HEXB: variants seen among roughly 807,000 people sequenced by gnomAD.
HEXB encodes beta-hexosaminidase subunit beta.
A neutral mutation model predicts 71.2 loss-of-function variants in HEXB; 51 were observed. That is an observed-to-expected ratio of 0.72 (90% CI 0.57 to 0.90). The LOEUF (loss-of-function observed/expected upper bound fraction) is 0.90, where lower values mean the gene tolerates loss of function less well. Among genes scored for constraint, HEXB ranks in the 40% least tolerant of loss-of-function variants. The probability of loss-of-function intolerance (pLI) is 0.00; values close to 1 mark genes in which losing one functional copy is unlikely to be tolerated. For synonymous variants in HEXB, 266 were observed against 249.3 expected, an observed-to-expected ratio of 1.07 and a Z score of -0.63; for missense variants, 617 against 677.0, an observed-to-expected ratio of 0.91 and a Z score of 0.98.
In HEXB at chr5:74,720,678, G is replaced by A; in HGVS notation, c.1544G>A (p.Ser515Asn). 1 of 1,614,182 alleles carries A rather than the reference G, an allele frequency of 6.2e-7. No homozygotes were observed. The highest frequency in any genetic ancestry group is 8.5e-7 in the Non-Finnish European group (1 of 1,180,014). Residue 515 changes from serine to asparagine, a missense_variant, in exon 13 of 14, where the codon AGT (serine) becomes AAT (asparagine). Physicochemically the swap from Ser to Asn is conservative, Grantham distance 46. Transcript: ENST00000261416. ...AGTGCTGTTGGTGAGAGACTCTGGAGTTCCAAAGATGTCAGAGATATGGAT... is the reference window on the plus strand; with the variant it reads ...AGTGCTGTTGGTGAGAGACTCTGGAATTCCAAAGATGTCAGAGATATGGAT... ...RASAVGERLW[S>N]SKDVRDMDDA...
chr5:74,702,311 C>T (rs952163943), intron 5 of HEXB, among the ~76,000 whole-genome samples: 56 of 151,828 alleles, frequency 3.7e-4, no homozygotes, highest in African/African-American at 1.2e-3. Context: ...ATCTCCTGAC[C>T]TCGTGATCCG....
chr5:74,699,101 T>A (rs548308377), intron 5 of HEXB, among the ~76,000 whole-genome samples: 1 of 152,014 alleles, frequency 6.6e-6, no homozygotes, highest in African/African-American at 2.4e-5. Context: ...ACAAAATCGC[T>A]TGAACCTGGG....
chr5:74,685,901 A>T (rs1748859877), intron 1 of HEXB, among the ~76,000 whole-genome samples: 1 of 152,092 alleles, frequency 6.6e-6, no homozygotes, highest in African/African-American at 2.4e-5. Flanking sequence ...AAGGACGTGC[A>T]AAGGGATAAG....
upstream of HEXB, among the ~76,000 whole-genome samples, chr5:74,682,250 C>A (rs1202364780): frequency 2.6e-5 from 4 of 152,278 alleles, no homozygotes; most frequent in South Asian, 6.2e-4. Context: ...CCCAGCTACG[C>A]CGGAGGCTGA....
chr5:74,716,120 C>T (rs535434791), intron 8 of HEXB, among the ~76,000 whole-genome samples: 77 of 151,296 alleles, frequency 5.1e-4, no homozygotes, highest in Non-Finnish European at 9.3e-4. Context: ...AACATGCCTG[C>T]TTGTAAGGGT....
chr5:74,711,985 T>C (rs1749553856), intron 6 of HEXB, among the ~76,000 whole-genome samples: 1 of 148,208 alleles, frequency 6.7e-6, no homozygotes, highest in African/African-American at 2.5e-5. Flanking sequence ...TGCACACGTA[T>C]GTTTATTGTG....
Position 74,705,300 on chromosome 5 carries a change from T to C in HEXB, c.751T>C (p.Phe251Leu), listed in dbSNP as rs1269920069. 6 of 1,595,950 alleles carry C rather than the reference T, an allele frequency of 3.8e-6. No individual in the cohort carries two copies. In the East Asian group the frequency reaches 1.1e-4, roughly 30 times the overall value. Residue 251 changes from phenylalanine (F) to leucine (L), a missense_variant, in exon 6 of 14, where the codon TTT becomes CTT. By Grantham distance (22) the Phe-to-Leu change is conservative. Coordinates refer to ENST00000261416, the MANE Select transcript of HEXB (RefSeq NM_000521.4). The stretch of plus-strand genomic sequence containing the variant: ...GTCTTTCCCATATCAGAGCATCACT[T>C]TTCCTGAGTTAAGCAATAAAGTGAG... ...DQSFPYQSIT[F>L]PELSNKGSYS...
In HEXB at chr5:74,721,187, GA is replaced by G; in HGVS notation, c.*17del. The G allele has an allele frequency of 1.1e-5, 18 of 1,604,302 alleles. No homozygotes were observed. The highest frequency in any genetic ancestry group is 1.5e-5 in the Non-Finnish European group (18 of 1,171,256). ...ATGAGAACATGTAAAAAATGGAGGG[GA>G]AAAAGGCCACAGCAATCTGTACTAC... On this transcript the variant is annotated 3_prime_UTR_variant, in exon 14 of 14. Transcript: ENST00000261416.
At chr5:74,643,978 T>C (rs1747954937) in intron 1 of HEXB, among the ~76,000 whole-genome samples, 1 of 152,228 alleles carries the variant, frequency 6.6e-6, no homozygotes, top group Admixed American at 6.5e-5. Context: ...CTAGATGGAC[T>C]TCAAGGCTGT....
intron 1 of HEXB, among the ~76,000 whole-genome samples, chr5:74,654,619 T>C (rs1201216287): frequency 6.6e-6 from 1 of 152,166 alleles, no homozygotes; most frequent in African/African-American, 2.4e-5. Flanking sequence ...AGGTGATTTC[T>C]GAGCTGGGTA....
At chr5:74,699,171 A>G (rs1286656263) in intron 5 of HEXB, among the ~76,000 whole-genome samples, 1 of 152,114 alleles carries the variant, frequency 6.6e-6, no homozygotes, top group African/African-American at 2.4e-5. Context: ...GCAACAGAGC[A>G]AGACTCCATC....
At chr5:74,680,715 A>G (rs879290189), upstream of HEXB, among the ~76,000 whole-genome samples, 1 of 152,240 alleles carries the variant, frequency 6.6e-6, no homozygotes, top group Non-Finnish European at 1.5e-5. Flanking sequence ...TACACATGTT[A>G]GGATTCCATT....
intron 1 of HEXB, among the ~76,000 whole-genome samples, chr5:74,666,668 C>T (rs1261624428): frequency 6.6e-6 from 1 of 152,176 alleles, no homozygotes; most frequent in Non-Finnish European, 1.5e-5. Context: ...GCCTTGGCAG[C>T]CACAGTCATT....
chr5:74,644,764 CT>C (rs3058406), intron 1 of HEXB, among the ~76,000 whole-genome samples: 24 of 72,944 alleles, frequency 3.3e-4, no homozygotes, highest in African/African-American at 1.0e-3. Flanking sequence ...CTTTTTTTTC[CT>C]TTTTTTTTTT....
At chr5:74,671,586 G>A (rs1748540489) in intron 1 of HEXB, among the ~76,000 whole-genome samples, 1 of 152,278 alleles carries the variant, frequency 6.6e-6, no homozygotes, top group East Asian at 1.9e-4. Context: ...GAAACAAGGG[G>A]AGTGATGGGT....
At chr5:74,678,715 A>C (rs1413610892) in intron 1 of HEXB, among the ~76,000 whole-genome samples, 4 of 152,212 alleles carry the variant, frequency 2.6e-5, no homozygotes, top group African/African-American at 9.6e-5. Context: ...ATTTGATCTA[A>C]AAAAAAGTTA....
chr5:74,720,823 T>G, intron 13 of HEXB, 76 bp downstream of exon 13: 2 of 1,153,792 alleles, frequency 1.7e-6, no homozygotes, highest in East Asian at 4.8e-5. Context: ...TAAATAGAAA[T>G]GTATGTTACC....
intron 1 of HEXB, among the ~76,000 whole-genome samples, chr5:74,673,316 T>C (rs551094525): frequency 6.2e-4 from 94 of 152,332 alleles, no homozygotes; most frequent in African/African-American, 2.2e-3. Context: ...ATAATTGCAG[T>C]GACAGAATTC....
intron 1 of HEXB, among the ~76,000 whole-genome samples, chr5:74,648,108 T>G (rs970923379): frequency 5.3e-5 from 8 of 152,210 alleles, no homozygotes; most frequent in African/African-American, 1.9e-4. Context: ...TCAGACTCAG[T>G]TTCTCATCAG....
Sources: gnomAD v4.1 joint callset for allele counts (sites outside exome capture counted in the v4.1 genomes callset) on GRCh38, gnomAD v4.1.1 for gene constraint, MANE v1.5 for transcripts, NCBI Gene and HGNC (gene_info 2026-07-23, HGNC 2026-07-21) for gene names.